CATSPERE: variants seen among roughly 807,000 people sequenced by gnomAD.
CATSPERE encodes catsper channel auxiliary subunit epsilon, also known as cation channel sperm-associated auxiliary subunit epsilon.
CATSPERE carries 93 observed loss-of-function variants against 114.1 expected under a neutral mutation model. The observed-to-expected ratio is 0.81, with a 90% CI of 0.69 to 0.97. The LOEUF (loss-of-function observed/expected upper bound fraction) is 0.97. CATSPERE is among the 50% of genes least tolerant of loss of function. The pLI is 0.00. For synonymous variants in CATSPERE, 341 were observed against 384.1 expected (o/e 0.89, Z 1.31); for missense variants, 1,058 against 1,131.6 (o/e 0.93, Z 0.93).
At chr1:244,527,835 G>A (rs556449631) in intron 8 of CATSPERE, among the ~76,000 whole-genome samples, 14 of 152,226 alleles carry the variant, frequency 9.2e-5, no homozygotes, top group African/African-American at 2.2e-4. Flanking sequence ...CTGACTTCCC[G>A]CAACACCTAG....
intron 5 of CATSPERE, among the ~76,000 whole-genome samples, chr1:244,480,497 ATAT>A (rs1397788105): frequency 1.3e-5 from 2 of 152,144 alleles, no homozygotes; most frequent in Non-Finnish European, 2.9e-5. Context: ...TTCTGTGATA[ATAT>A]TGTTAATTTT....
chr1:244,562,004 T>C (rs1662634786), intron 10 of CATSPERE, among the ~76,000 whole-genome samples: 2 of 151,854 alleles, frequency 1.3e-5, no homozygotes, highest in Admixed American at 1.3e-4. Context: ...ACTTAAAAAT[T>C]AGCTGGGCAT....
chr1:244,618,909 A>T (rs1313963327), intron 20 of CATSPERE, among the ~76,000 whole-genome samples: 4 of 152,236 alleles, frequency 2.6e-5, no homozygotes, highest in Non-Finnish European at 5.9e-5. Context: ...AAAGAGTCTA[A>T]TGATGAGAGA....
chr1:244,498,194 T>C (rs1308653177), intron 6 of CATSPERE, among the ~76,000 whole-genome samples: 1 of 152,112 alleles, frequency 6.6e-6, no homozygotes, highest in Non-Finnish European at 1.5e-5. Context: ...GAAAAATCAG[T>C]GAAAATATGT....
At position 244,552,632 on chromosome 1, in the gene CATSPERE, GA is replaced by G; in HGVS notation, c.850del (p.Arg284AspfsTer7). On this transcript the variant is annotated frameshift_variant, in exon 9 of 22. Coordinates refer to ENST00000366534, the MANE Select transcript of CATSPERE (RefSeq NM_001130957.2). LOFTEE classifies it high-confidence loss of function. ...RVPPDILSDD[E>X]RRSVAHVILS... ...GCCTCCAGACATTCTGAGTGATGAT[GA>G]AAGACGGAGTGTGGCTCATGTGATC... The G allele has an allele frequency of 6.2e-7, 1 of 1,614,172 alleles. No homozygotes were observed. Among genetic ancestry groups the G allele is most frequent in the Non-Finnish European group, 8.5e-7 (1 of 1,180,036 alleles).
intron 7 of CATSPERE, chr1:244,515,467 A>C (rs1055000415): frequency 4.2e-6 from 1 of 240,940 alleles, no homozygotes; most frequent in Non-Finnish European, 6.7e-6. Flanking sequence ...TAATAATCTA[A>C]TTAGATCCTC....
intron 17 of CATSPERE, chr1:244,598,582 G>T: frequency 2.9e-6 from 1 of 350,432 alleles, no homozygotes; most frequent in South Asian, 2.4e-5. Context: ...CACCCACAGA[G>T]ACCATGGAGA....
At chr1:244,479,873 T>A in intron 5 of CATSPERE, 89 bp downstream of exon 5, 1 of 631,304 alleles carries the variant, frequency 1.6e-6, no homozygotes, top group Non-Finnish European at 2.6e-6. Flanking sequence ...TTATCTATAT[T>A]ACGGTTTCCA....
intron 7 of CATSPERE, among the ~76,000 whole-genome samples, chr1:244,515,617 G>T (rs1297896667): frequency 6.6e-6 from 1 of 152,134 alleles, no homozygotes; most frequent in African/African-American, 2.4e-5. Context: ...GGGGCCTAAG[G>T]CCAGACCCTG....
At chr1:244,523,017 G>A (rs912010054) in intron 8 of CATSPERE, among the ~76,000 whole-genome samples, 13 of 148,394 alleles carry the variant, frequency 8.8e-5, no homozygotes, top group Admixed American at 7.9e-4. Context: ...CCAAAGCCGG[G>A]CAGAGACACA....
chr1:244,569,731 T>C (rs1418427918), intron 10 of CATSPERE, among the ~76,000 whole-genome samples: 2 of 152,218 alleles, frequency 1.3e-5, no homozygotes, highest in Non-Finnish European at 2.9e-5. Flanking sequence ...TGAAAGCTGA[T>C]GTTGCCTTAA....
At chr1:244,612,858 G>C (rs1228147363) in intron 19 of CATSPERE, among the ~76,000 whole-genome samples, 1 of 152,172 alleles carries the variant, frequency 6.6e-6, no homozygotes. Flanking sequence ...TGGGTGATTT[G>C]ATCAAGTGGG....
chr1:244,505,781 T>G (rs1008291295), intron 7 of CATSPERE, among the ~76,000 whole-genome samples: 1 of 151,592 alleles, frequency 6.6e-6, no homozygotes, highest in African/African-American at 2.4e-5. Flanking sequence ...CCGAGGTGGG[T>G]GGATCACGAG....
At position 244,566,652 on chromosome 1, in the gene CATSPERE, C is replaced by CTTTTTTTTTTTTT. The variant is rs59466928; in HGVS notation, c.1507+5530_1507+5542dup. Among the ~76,000 whole-genome samples the CTTTTTTTTTTTTT allele has an allele frequency of 5.5e-4, 27 of 49,106 alleles. 1 individual carries two copies. Among genetic ancestry groups the CTTTTTTTTTTTTT allele is most frequent in the Non-Finnish European group, 1.1e-3 (15 of 14,270 alleles). The allele number at this position is 49,106 out of a possible 152,430, so 32.2% of individuals were successfully genotyped here. Reference sequence around the variant, plus strand: ...TCAGAGACTAGGATTGCAACCCCTGCTTTTTTTTTTTTTTTTTTTTTTTTT... The same window carrying CTTTTTTTTTTTTT: ...TCAGAGACTAGGATTGCAACCCCTGCTTTTTTTTTTTTTTTTTTTTTTTTTTTTTTTTTTTTTT... On this transcript the variant is annotated intron_variant, in intron 10 of 21. Transcript: ENST00000366534.
chr1:244,583,786 T>C (rs1286656749), intron 12 of CATSPERE, 78 bp from the exon 13 acceptor site: 1 of 1,358,328 alleles, frequency 7.4e-7, no homozygotes, highest in Non-Finnish European at 1.0e-6. Flanking sequence ...CATGGGACTT[T>C]GCACTTGCTC....
rs755957459 is a variant in CATSPERE, at chr1:244,499,758, G to T, written c.429+679G>T. On this transcript the variant is annotated intron_variant, in intron 7 of 21. Transcript: ENST00000366534. ...CAGTCTCTCATTGATGGGCATCTGG[G>T]TTGGTTCCAAGTCTTTGCTGTTGTG... 3.6e-4 allele frequency among the ~76,000 whole-genome samples: 54 copies of T among 152,100 alleles called. 1 individual carries two copies. The highest frequency in any genetic ancestry group is 6.2e-4 in the Non-Finnish European group (42 of 68,038).
chr1:244,490,651 C>T (rs139296295), intron 6 of CATSPERE, among the ~76,000 whole-genome samples, 180 bp downstream of exon 6: 2 of 151,986 alleles, frequency 1.3e-5, no homozygotes, highest in African/African-American at 4.8e-5. Flanking sequence ...CTTTTCTAAC[C>T]ACCTATCTGC....
chr1:244,611,472 G>A (rs577593405), intron 19 of CATSPERE, among the ~76,000 whole-genome samples: 2 of 152,032 alleles, frequency 1.3e-5, no homozygotes, highest in East Asian at 3.9e-4. Context: ...GTGCATGCCT[G>A]TAGTCCCAGC....
chr1:244,627,572 TA>T (rs140118959), intron 20 of CATSPERE, among the ~76,000 whole-genome samples: 7,163 of 144,644 alleles, frequency 0.05, 179 homozygotes, highest in Admixed American at 0.071. Context: ...AAGACCCTGT[TA>T]AAAAAAAAAA....
Sources: gnomAD v4.1 joint callset for allele counts (sites outside exome capture counted in the v4.1 genomes callset) on GRCh38, gnomAD v4.1.1 for gene constraint, MANE v1.5 for transcripts, NCBI Gene and HGNC (gene_info 2026-07-23, HGNC 2026-07-21) for gene names.